Variants in C10orf90 observed in about 807,000 individuals in gnomAD.
C10orf90 encodes the protein (E2-independent) E3 ubiquitin-conjugating enzyme FATS.
In C10orf90, 56 loss-of-function variants were observed where a neutral mutation model predicts 62.5. The observed-to-expected ratio is 0.90, with a 90% confidence interval of 0.72 to 1.12. C10orf90 has a LOEUF of 1.12. Among genes scored for constraint, C10orf90 ranks in the 50% most tolerant of loss-of-function variants. The pLI is 0.00. For synonymous variants in C10orf90, 386 were observed against 340.4 expected (o/e 1.13, Z -1.47); for missense variants, 970 against 880.4 (o/e 1.10, Z -1.29).
intron 5 of C10orf90, 70 bp downstream of exon 5, chr10:126,464,626 G>T: frequency 6.8e-7 from 1 of 1,479,602 alleles, no homozygotes; most frequent in Non-Finnish European, 9.2e-7. Flanking sequence ...ACGAGGTCCA[G>T]GTAGGCAATC....
rs569503241 is a variant in C10orf90, at chr10:126,516,840, G to T, written c.314-2901C>A. ...GTTCCTTTCTGAAAACACTAGGGAA[G>T]AATTCTCTTCCTTGCCTTTTTCAGC... is the stretch of plus-strand genomic sequence containing the variant. On this transcript the variant is annotated intron_variant, in intron 2 of 9. Coordinates refer to ENST00000488181, the MANE Select transcript of C10orf90 (RefSeq NM_001350921.2). 2.1e-5 allele frequency among the ~76,000 whole-genome samples: 3 copies of T among 143,572 alleles called. No homozygotes were observed. The South Asian group carries it at 6.7e-4, about 32-fold the overall frequency. 94.2% of individuals were successfully genotyped at this position (143,572 alleles called of 152,430 possible).
intron 2 of C10orf90, among the ~76,000 whole-genome samples, chr10:126,545,536 C>T (rs1313625079): frequency 6.6e-6 from 1 of 152,148 alleles, no homozygotes; most frequent in Non-Finnish European, 1.5e-5. Context: ...TTACTCTAGC[C>T]GTTGCCTACC....
intron 1 of C10orf90, among the ~76,000 whole-genome samples, chr10:126,652,776 C>T (rs779424514): frequency 4.6e-4 from 70 of 152,156 alleles, no homozygotes; most frequent in Non-Finnish European, 6.6e-4. Flanking sequence ...TGAACTATTT[C>T]GTATATGAAA....
chr10:126,546,826 G>GA (rs1022631709), intron 2 of C10orf90, among the ~76,000 whole-genome samples: 18 of 152,312 alleles, frequency 1.2e-4, no homozygotes, highest in South Asian at 2.1e-4. Flanking sequence ...GGTTTTCATT[G>GA]AAAAATCATT....
At chr10:126,628,290 A>G (rs1845786304) in intron 2 of C10orf90, among the ~76,000 whole-genome samples, 1 of 152,226 alleles carries the variant, frequency 6.6e-6, no homozygotes, top group South Asian at 2.1e-4. Context: ...GCCAAGGCCT[A>G]TGTCTTATTC....
At chr10:126,565,365 TA>T (rs1844349948) in intron 2 of C10orf90, among the ~76,000 whole-genome samples, 1 of 78,830 alleles carries the variant, frequency 1.3e-5, no homozygotes, top group South Asian at 3.1e-4. Flanking sequence ...TAATATATAT[TA>T]TTTTATATAA....
chr10:126,551,875 A>G (rs76076157), intron 2 of C10orf90, among the ~76,000 whole-genome samples: 66 of 152,360 alleles, frequency 4.3e-4, no homozygotes, highest in Non-Finnish European at 8.8e-4. Flanking sequence ...AACCACAAAA[A>G]GCATAGCCTA....
chr10:126,634,312 C>T (rs1223784189), intron 2 of C10orf90, among the ~76,000 whole-genome samples: 3 of 152,092 alleles, frequency 2.0e-5, no homozygotes, highest in South Asian at 4.1e-4. Context: ...AAGGAAATCC[C>T]GTTACAACAT....
chr10:126,624,072 G>A lies in C10orf90; in HGVS notation c.313+22493C>T, dbSNP rs1845698076. Reference sequence around the variant, plus strand: ...GGTATCAGAATCCAACTGGGGCCTAGCGCGGTGGCTCACGCCTGTAATCTC... The same window carrying A: ...GGTATCAGAATCCAACTGGGGCCTAACGCGGTGGCTCACGCCTGTAATCTC... On this transcript the variant is annotated intron_variant, in intron 2 of 9. Transcript: ENST00000488181. Among the ~76,000 whole-genome samples the A allele has an allele frequency of 3.3e-5, 5 of 152,284 alleles. No homozygotes were observed. The South Asian group carries it at 1.0e-3, about 32-fold the overall frequency.
intron 2 of C10orf90, among the ~76,000 whole-genome samples, chr10:126,563,375 T>A (rs1323946212): frequency 6.6e-6 from 1 of 152,286 alleles, no homozygotes; most frequent in Middle Eastern, 3.4e-3. Context: ...GGCCAAGCCC[T>A]GCCTTAGCTT....
intron 4 of C10orf90, among the ~76,000 whole-genome samples, chr10:126,480,980 C>A (rs1861134162): frequency 6.6e-6 from 1 of 150,814 alleles, no homozygotes; most frequent in Admixed American, 6.6e-5. Flanking sequence ...TGCTCACCTC[C>A]ATGAGCCCAG....
intron 2 of C10orf90, among the ~76,000 whole-genome samples, chr10:126,525,660 A>G (rs1205826487): frequency 1.3e-5 from 2 of 152,134 alleles, no homozygotes; most frequent in African/African-American, 4.8e-5. Flanking sequence ...ATGGTCCGAG[A>G]GCCTAGCATC....
chr10:126,437,347 A>G (rs913066982), intron 7 of C10orf90, among the ~76,000 whole-genome samples: 1 of 152,204 alleles, frequency 6.6e-6, no homozygotes, highest in African/African-American at 2.4e-5. Context: ...CATCACCTGG[A>G]GACTTGTTAC....
At chr10:126,463,815 G>A (rs529710877) in intron 5 of C10orf90, among the ~76,000 whole-genome samples, 38 of 152,350 alleles carry the variant, frequency 2.5e-4, no homozygotes, top group African/African-American at 8.7e-4. Context: ...GCTGCTGACC[G>A]TTTCCTGTGC....
chr10:126,465,803 A>G (rs1372367187), intron 4 of C10orf90, among the ~76,000 whole-genome samples: 1 of 152,206 alleles, frequency 6.6e-6, no homozygotes, highest in Admixed American at 6.5e-5. Context: ...AATGGTTAAA[A>G]AGAATGAGGC....
intron 2 of C10orf90, among the ~76,000 whole-genome samples, chr10:126,570,085 G>C (rs149176422): frequency 1.1e-3 from 172 of 152,198 alleles, no homozygotes; most frequent in Admixed American, 1.7e-3. Flanking sequence ...AATGCTCTGC[G>C]GGTGCTGGTG....
At chr10:126,502,060 G>GCACACA (rs200825350) in intron 4 of C10orf90, among the ~76,000 whole-genome samples, 3 of 100,650 alleles carry the variant, frequency 3.0e-5, no homozygotes, top group African/African-American at 1.1e-4. Flanking sequence ...CCACACACAC[G>GCACACA]CACACACACA....
intron 2 of C10orf90, among the ~76,000 whole-genome samples, chr10:126,638,754 C>T (rs1846003267): frequency 6.6e-6 from 1 of 152,192 alleles, no homozygotes; most frequent in African/African-American, 2.4e-5. Context: ...GTCACCCCGC[C>T]CTCTTTTTAC....
chr10:126,504,959 C>T lies in C10orf90; in HGVS notation c.532G>A (p.Ala178Thr). 2 of 1,614,190 alleles carry T rather than the reference C, an allele frequency of 1.2e-6. No homozygotes were observed. The highest frequency in any genetic ancestry group is 1.1e-5 in the South Asian group (1 of 91,082). The part of the protein sequence containing the change: ...PLPCAIAQSR[A>T]HHAKQSLANR... ...GCCAGAGATTGCTTGGCGTGATGTGCACGAGACTGAGCAATGGCACACGGT... is the reference window on the plus strand; with the variant it reads ...GCCAGAGATTGCTTGGCGTGATGTGTACGAGACTGAGCAATGGCACACGGT... The change falls in exon 4 of 10, where the codon GCA becomes ACA. Residue 178 changes from alanine (A) to threonine (T), a missense_variant. Transcript: ENST00000488181. The surrounding 1 kb of genome is among the most constrained non-coding windows in gnomAD (Gnocchi z 4.1).
Sources: gnomAD v4.1 joint callset for allele counts (sites outside exome capture counted in the v4.1 genomes callset) on GRCh38, gnomAD v4.1.1 for gene constraint, Gnocchi (gnomAD v3.1) non-coding constraint, MANE v1.5 for transcripts, NCBI Gene and HGNC (gene_info 2026-07-23, HGNC 2026-07-21) for gene names.